Variants in ST18 observed in about 807,000 individuals in gnomAD.
The protein encoded by ST18 is suppression of tumorigenicity 18 protein.
ST18 carries 50 observed loss-of-function variants against 110.0 expected under a neutral mutation model. The ratio of observed to expected loss-of-function variants is 0.45; its 90% CI spans 0.36 to 0.58. The LOEUF (loss-of-function observed/expected upper bound fraction) is 0.58, where lower values mean the gene tolerates loss of function less well. ST18 is among the 20% of genes least tolerant of loss of function. The pLI, the probability that ST18 is intolerant of heterozygous loss-of-function variation, is 0.00. For missense variants in ST18, 1,306 were observed against 1,280.1 expected (o/e 1.02, Z -0.31); for synonymous variants, 461 against 452.4 (o/e 1.02, Z -0.24).
intron 2 of ST18, among the ~76,000 whole-genome samples, chr8:52,269,388 C>A (rs2094993705): frequency 6.6e-6 from 1 of 152,194 alleles, no homozygotes; most frequent in African/African-American, 2.4e-5. Context: ...GGAAACCAGG[C>A]TTCAGAAAGA....
chr8:52,367,647 G>A (rs184294251), intron 2 of ST18, among the ~76,000 whole-genome samples: 24 of 152,288 alleles, frequency 1.6e-4, no homozygotes, highest in Admixed American at 3.9e-4. Context: ...GAGGGCAATG[G>A]TTTAAACTGT....
chr8:52,265,067 G>A (rs954679371), intron 2 of ST18, among the ~76,000 whole-genome samples: 4 of 152,212 alleles, frequency 2.6e-5, no homozygotes, highest in Non-Finnish European at 4.4e-5. Context: ...CGATGGAGCT[G>A]AGAATGACTG....
chr8:52,302,093 T>C (rs1162568829), intron 2 of ST18, among the ~76,000 whole-genome samples: 1 of 151,984 alleles, frequency 6.6e-6, no homozygotes, highest in Non-Finnish European at 1.5e-5. Flanking sequence ...AGCCTGTCTG[T>C]TTTGGAGGAA....
chr8:52,185,672 C>G (rs930003078), intron 8 of ST18, among the ~76,000 whole-genome samples: 1 of 152,088 alleles, frequency 6.6e-6, no homozygotes, highest in African/African-American at 2.4e-5. Context: ...CATCATTGGG[C>G]AAAGGGTTGT....
At chr8:52,156,824 C>T (rs2060144710) in intron 15 of ST18, among the ~76,000 whole-genome samples, 1 of 152,126 alleles carries the variant, frequency 6.6e-6, no homozygotes, top group Non-Finnish European at 1.5e-5. Context: ...GATGTTTCTC[C>T]CATTTTAGCA....
At position 52,172,175 on chromosome 8, in the gene ST18, T is replaced by A; in HGVS notation, c.686A>T (p.Asp229Val). 1 of 1,614,190 alleles carries A rather than the reference T, an allele frequency of 6.2e-7. No homozygotes were observed. The highest frequency in any genetic ancestry group is 8.5e-7 in the Non-Finnish European group (1 of 1,180,032). ...TTTTATTTCAGGAACTTCCAATAGG[T>A]CTTTTTTATGATCTGTTAAAACATA... ...PKYVLTDHKK[D>V]LLEVPEIKTE... Residue 229 changes from aspartate to valine, a missense_variant, in exon 10 of 26, where the codon GAC becomes GTC. Physicochemically the swap from Asp to Val is radical, Grantham distance 152. Coordinates refer to ENST00000689386, the MANE Select transcript of ST18 (RefSeq NM_001352837.2).
intron 8 of ST18, among the ~76,000 whole-genome samples, chr8:52,183,870 C>T (rs1229675821): frequency 6.6e-6 from 1 of 152,180 alleles, no homozygotes; most frequent in Non-Finnish European, 1.5e-5. Flanking sequence ...TTACACATAA[C>T]ATTTGCTTTA....
chr8:52,338,365 C>T (rs927377118), intron 2 of ST18, among the ~76,000 whole-genome samples: 1 of 151,882 alleles, frequency 6.6e-6, no homozygotes, highest in Non-Finnish European at 1.5e-5. Flanking sequence ...GCCAGACATC[C>T]TTTTTAATGG....
At chr8:52,228,092 C>A (rs558017438) in intron 3 of ST18, among the ~76,000 whole-genome samples, 4 of 152,116 alleles carry the variant, frequency 2.6e-5, no homozygotes, top group Admixed American at 6.6e-5. Context: ...GATTGCTATG[C>A]CAGTTAAGGA....
At chr8:52,318,933 G>C (rs1044079943) in intron 2 of ST18, among the ~76,000 whole-genome samples, 1 of 151,788 alleles carries the variant, frequency 6.6e-6, no homozygotes, top group Non-Finnish European at 1.5e-5. Flanking sequence ...TGGAGGTTGG[G>C]GGGTGGGAAG....
chr8:52,367,413 C>T (rs1828532852), intron 2 of ST18, among the ~76,000 whole-genome samples: 1 of 151,972 alleles, frequency 6.6e-6, no homozygotes, highest in Non-Finnish European at 1.5e-5. Flanking sequence ...TAGAGTGAGA[C>T]TTTGTCTCGA....
intron 8 of ST18, among the ~76,000 whole-genome samples, chr8:52,202,867 A>G (rs6999493): frequency 8.7e-4 from 132 of 152,328 alleles, no homozygotes; most frequent in African/African-American, 3.0e-3. Flanking sequence ...GGGAAGGGGG[A>G]TAAAAGTGAT....
chr8:52,235,639 T>C (rs550578823), intron 2 of ST18, among the ~76,000 whole-genome samples: 1 of 152,332 alleles, frequency 6.6e-6, no homozygotes, highest in Admixed American at 6.5e-5. Context: ...GCAGTTCAGA[T>C]TCATTTGTAA....
At chr8:52,337,812 T>C (rs1464755390) in intron 2 of ST18, among the ~76,000 whole-genome samples, 2 of 152,204 alleles carry the variant, frequency 1.3e-5, no homozygotes, top group East Asian at 3.9e-4. Context: ...TACAAAACCT[T>C]TCTTCACTCG....
chr8:52,140,547 T>TA (rs2054558570), intron 17 of ST18, among the ~76,000 whole-genome samples: 2 of 147,354 alleles, frequency 1.4e-5, no homozygotes, highest in Non-Finnish European at 3.0e-5. Context: ...AGATGATAGA[T>TA]GATAGATAGA....
intron 2 of ST18, among the ~76,000 whole-genome samples, chr8:52,341,291 A>G (rs1814885070): frequency 6.6e-6 from 1 of 152,264 alleles, no homozygotes; most frequent in East Asian, 1.9e-4. Context: ...GGCTTCCATC[A>G]GGATGATACG....
At chr8:52,143,146 T>TTTGGAC (rs1228743792) in intron 16 of ST18, 101 bp from the exon 17 acceptor site, 4 of 750,016 alleles carry the variant, frequency 5.3e-6, no homozygotes, top group Non-Finnish European at 6.8e-6. Context: ...GAGTTTTGGC[T>TTTGGAC]TTGGACTTGG....
chr8:52,129,451 C>CAGAAA (rs1554584138), intron 22 of ST18, among the ~76,000 whole-genome samples: 4 of 72,254 alleles, frequency 5.5e-5, no homozygotes, highest in African/African-American at 1.8e-4. Flanking sequence ...GAGACTCCAT[C>CAGAAA]AAAAAAAAAA....
At chr8:52,311,553 G>A (rs945684688) in intron 2 of ST18, among the ~76,000 whole-genome samples, 4 of 152,176 alleles carry the variant, frequency 2.6e-5, no homozygotes, top group African/African-American at 9.7e-5. Flanking sequence ...CCAGAGACTG[G>A]ATAATTTATT....
Sources: allele counts gnomAD v4.1 joint callset (sites outside exome capture counted in the v4.1 genomes callset), GRCh38; gene constraint gnomAD v4.1.1; transcripts MANE v1.5; gene names NCBI Gene and HGNC (gene_info 2026-07-23, HGNC 2026-07-21).